The following TRPC6 variants were observed in gnomAD, a reference collection of about 807,000 sequenced individuals.
TRPC6 encodes transient receptor potential cation channel subfamily C member 6.
A neutral mutation model predicts 90.7 loss-of-function variants in TRPC6; 55 were observed. The ratio of observed to expected loss-of-function variants is 0.61; its 90% CI spans 0.49 to 0.76. The LOEUF (loss-of-function observed/expected upper bound fraction) is 0.76, where lower values mean the gene tolerates loss of function less well. TRPC6 is among the 30% of genes least tolerant of loss of function. The pLI is 0.00. For missense variants in TRPC6, 989 were observed against 1,122.7 expected (o/e 0.88, Z 1.70); for synonymous variants, 393 against 393.0 (o/e 1.00, Z 0.00).
At chr11:101,505,725 G>A (rs901157640) in intron 1 of TRPC6, among the ~76,000 whole-genome samples, 2 of 152,152 alleles carry the variant, frequency 1.3e-5, no homozygotes, top group African/African-American at 4.8e-5. Context: ...TGATAAGAAG[G>A]GAAAGTGAGC....
chr11:101,483,279 ATTG>A (rs1485483943), intron 4 of TRPC6, 114 bp from the exon 5 acceptor site: 7 of 1,211,360 alleles, frequency 5.8e-6, no homozygotes, highest in South Asian at 2.6e-5. Context: ...TCCTGAGATA[ATTG>A]TTTATATTTA....
chr11:101,529,596 G>A (rs888475920), intron 1 of TRPC6, among the ~76,000 whole-genome samples: 1 of 152,170 alleles, frequency 6.6e-6, no homozygotes, highest in Non-Finnish European at 1.5e-5. Context: ...TTGGAATTAG[G>A]GGGGACCTTA....
At chr11:101,524,863 G>A (rs1860742098) in intron 1 of TRPC6, among the ~76,000 whole-genome samples, 1 of 152,264 alleles carries the variant, frequency 6.6e-6, no homozygotes, top group African/African-American at 2.4e-5. Flanking sequence ...CAGTGTGCCT[G>A]CAATACTTTA....
chr11:101,488,785 C>T, intron 4 of TRPC6, 152 bp downstream of exon 4: 2 of 846,256 alleles, frequency 2.4e-6, no homozygotes, highest in Admixed American at 2.6e-5. Context: ...ATTATTTAAA[C>T]CCAAACAGGA....
chr11:101,471,728 T>G (rs1418282312), intron 8 of TRPC6, among the ~76,000 whole-genome samples: 1 of 152,152 alleles, frequency 6.6e-6, no homozygotes, highest in Admixed American at 6.6e-5. Context: ...GGGACACAGA[T>G]CAAGATTTCT....
At chr11:101,505,119 C>A (rs1860228451) in intron 1 of TRPC6, among the ~76,000 whole-genome samples, 1 of 152,142 alleles carries the variant, frequency 6.6e-6, no homozygotes. Context: ...ATGTCTATAT[C>A]CATACCCTCT....
chr11:101,491,473 A>G (rs912645743), intron 3 of TRPC6, 83 bp downstream of exon 3: 4 of 1,532,068 alleles, frequency 2.6e-6, no homozygotes, highest in Non-Finnish European at 3.6e-6. Context: ...ATCCCAGCTT[A>G]ATCTAACAAT....
intron 1 of TRPC6, among the ~76,000 whole-genome samples, chr11:101,570,195 C>T (rs1861929015): frequency 6.6e-6 from 1 of 152,078 alleles, no homozygotes. Flanking sequence ...GGGGATATTA[C>T]CACCGATCCC....
intron 2 of TRPC6, among the ~76,000 whole-genome samples, chr11:101,499,575 TGTATATATAC>T (rs1337247504): frequency 1.0e-5 from 1 of 99,638 alleles, no homozygotes; most frequent in East Asian, 2.2e-4. Flanking sequence ...ACATAAATGG[TGTATATATAC>T]GTATATATAT....
At chr11:101,573,880 G>T (rs1862014785) in intron 1 of TRPC6, among the ~76,000 whole-genome samples, 1 of 150,034 alleles carries the variant, frequency 6.7e-6, no homozygotes, top group Non-Finnish European at 1.5e-5. Flanking sequence ...AAAAATCCTG[G>T]GAACAGTAGT....
chr11:101,527,747 T>C (rs1041563154), intron 1 of TRPC6, among the ~76,000 whole-genome samples: 4 of 152,170 alleles, frequency 2.6e-5, no homozygotes, highest in South Asian at 2.1e-4. Context: ...TTCATGATAG[T>C]ACAAACATTT....
intron 2 of TRPC6, among the ~76,000 whole-genome samples, chr11:101,501,300 T>C (rs1860118333): frequency 6.6e-6 from 1 of 151,968 alleles, no homozygotes; most frequent in Non-Finnish European, 1.5e-5. Flanking sequence ...TGTGCTAGCA[T>C]GTTGGTAGTG....
At chr11:101,489,253 C>A (rs1859748205) in intron 3 of TRPC6, 152 bp from the exon 4 acceptor site, 5 of 730,316 alleles carry the variant, frequency 6.8e-6, no homozygotes, top group Non-Finnish European at 1.1e-5. Flanking sequence ...AGGCAACAAA[C>A]AAATGGCAAA....
At chr11:101,549,319 T>A (rs1861400289) in intron 1 of TRPC6, among the ~76,000 whole-genome samples, 1 of 152,026 alleles carries the variant, frequency 6.6e-6, no homozygotes, top group African/African-American at 2.4e-5. Context: ...AATGTGAGGA[T>A]GGTCAGCTAT....
intron 1 of TRPC6, among the ~76,000 whole-genome samples, chr11:101,527,874 C>G (rs1860816470): frequency 6.6e-6 from 1 of 151,958 alleles, no homozygotes; most frequent in Admixed American, 6.6e-5. Flanking sequence ...GAGTTAGAGA[C>G]CAGCCTGGCC....
At chr11:101,474,641 A>C (rs1249342282) in intron 6 of TRPC6, among the ~76,000 whole-genome samples, 1 of 152,192 alleles carries the variant, frequency 6.6e-6, no homozygotes, top group Non-Finnish European at 1.5e-5. Flanking sequence ...TTAAAATTAA[A>C]CATTAAAATA....
At chr11:101,563,967 A>G (rs576545850) in intron 1 of TRPC6, among the ~76,000 whole-genome samples, 2 of 152,186 alleles carry the variant, frequency 1.3e-5, no homozygotes, top group East Asian at 3.8e-4. Context: ...GAAGCTACAG[A>G]AACAGAATGT....
intron 10 of TRPC6, among the ~76,000 whole-genome samples, chr11:101,468,046 G>T (rs540488902): frequency 3.9e-5 from 6 of 152,170 alleles, no homozygotes; most frequent in Non-Finnish European, 8.8e-5. Context: ...AATTTGCAAT[G>T]ACCCTAATCT....
chr11:101,504,797 G>T lies in TRPC6; in HGVS notation c.172C>A (p.Arg58=). 1 of 1,611,414 alleles carries T rather than the reference G, an allele frequency of 6.2e-7. No individual in the cohort carries two copies. The highest frequency in any genetic ancestry group is 8.5e-7 in the Non-Finnish European group (1 of 1,178,908). The stretch of plus-strand genomic sequence containing the variant: ...TGAGCCAGTCTGTTGTCAGATCCCC[G>T]GCTGCAATAAAACAGAAAGATTGTA... The part of the protein sequence containing the change: ...LPCYGYYPCF[R]GSDNRLAHRR... Residue 58 remains arginine (R), a splice_region_variant and synonymous_variant, in exon 2 of 13, where the codon CGG becomes AGG. Coordinates refer to ENST00000344327, the MANE Select transcript of TRPC6 (RefSeq NM_004621.6).
Sources: allele counts gnomAD v4.1 joint callset (sites outside exome capture counted in the v4.1 genomes callset), GRCh38; gene constraint gnomAD v4.1.1; transcripts MANE v1.5; gene names NCBI Gene and HGNC (gene_info 2026-07-23, HGNC 2026-07-21).